Variants in AGRN observed in about 807,000 individuals in gnomAD.
AGRN encodes the protein agrin proteoglycan.
AGRN carries 106 observed loss-of-function variants against 211.0 expected under a neutral mutation model. That is an observed-to-expected ratio of 0.50 (90% CI 0.43 to 0.59). AGRN has a LOEUF of 0.59. AGRN is among the 20% of genes least tolerant of loss of function. The probability of loss-of-function intolerance (pLI) is 0.00; values close to 1 mark genes in which losing one functional copy is unlikely to be tolerated. For missense variants in AGRN, 3,040 were observed against 2,982.6 expected (o/e 1.02, Z -0.45); for synonymous variants, 1,525 against 1,332.5 (o/e 1.14, Z -3.15).
chr1:1,025,678 C>G (rs547284373), intron 2 of AGRN, among the ~76,000 whole-genome samples: 6 of 152,104 alleles, frequency 3.9e-5, no homozygotes, highest in African/African-American at 7.2e-5. Flanking sequence ...GGTCTGGGCT[C>G]GAGGCTGCTG....
chr1:1,034,556 A>G (rs1322128396), intron 2 of AGRN: 2 of 986,516 alleles, frequency 2.0e-6, no homozygotes, highest in Non-Finnish European at 2.4e-6. Context: ...GCCCCGGGCC[A>G]TGCCTCCGCT....
In AGRN at chr1:1,035,174, G is replaced by T; in HGVS notation, c.464-103G>T. On this transcript the variant is annotated intron_variant, in intron 2 of 35. Coordinates refer to ENST00000379370, the MANE Select transcript of AGRN (RefSeq NM_198576.4). The stretch of plus-strand genomic sequence containing the variant: ...TGGATCCCTGGGGCTAGCGGTGGGG[G>T]GGGGGGGGTGGGCAGGGGTGCCCCT... 6.4e-6 allele frequency: 8 copies of T among 1,249,216 alleles called. 1 individual carries two copies. The highest frequency in any genetic ancestry group is 4.9e-5 in the East Asian group (2 of 40,624). 77.4% of individuals were successfully genotyped at this position (1,249,216 alleles called of 1,614,324 possible).
Position 1,050,014 on chromosome 1 carries a change from G to C in AGRN, c.4856G>C (p.Arg1619Pro). 1 of 1,607,996 alleles carries C rather than the reference G, an allele frequency of 6.2e-7. No individual in the cohort carries two copies. The highest frequency in any genetic ancestry group is 2.2e-5 in the East Asian group (1 of 44,650). Reference sequence around the variant, plus strand: ...GCTCAGTGCGAGTGCCCCCTGGGGCGTGAGGGCACCTTCTGCCAGACAGGT... The same window carrying C: ...GCTCAGTGCGAGTGCCCCCTGGGGCCTGAGGGCACCTTCTGCCAGACAGGT... The part of the protein sequence containing the change: ...GGAQCECPLG[R>P]EGTFCQTASG... The change falls in exon 27 of 36, where the codon CGT becomes CCT. Residue 1619 changes from arginine (R) to proline (P), a missense_variant. Arg to Pro is a moderately radical substitution (Grantham distance 103). Coordinates refer to ENST00000379370, the MANE Select transcript of AGRN (RefSeq NM_198576.4).
chr1:1,049,662 G>A lies in AGRN; in HGVS notation c.4611G>A (p.Gly1537=). ...GCCTGGAGCTTGGCATTGGGCCGGG[G>A]GCTGCCACCCGAGGCTCTGGCGTGG... is the stretch of plus-strand genomic sequence containing the variant. ...NQRLELGIGP[G]AATRGSGVGE... Residue 1537 remains glycine (G), a synonymous_variant, in exon 26 of 36, where the codon GGG becomes GGA. Transcript: ENST00000379370. 6.3e-7 allele frequency: 1 copy of A among 1,580,382 alleles called. No individual in the cohort carries two copies. Among genetic ancestry groups the A allele is most frequent in the Non-Finnish European group, 8.6e-7 (1 of 1,164,234 alleles).
At chr1:1,047,712 C>T (rs1645140397) in intron 21 of AGRN, 25 bp downstream of exon 21, 1 of 1,612,752 alleles carries the variant, frequency 6.2e-7, no homozygotes, top group Admixed American at 1.7e-5. Flanking sequence ...CTGGACCCTT[C>T]CTGGGAGGCA....
In AGRN at chr1:1,049,897, A is replaced by G. The variant is rs1645226531; in HGVS notation, c.4745-6A>G. 2.5e-6 allele frequency: 4 copies of G among 1,609,828 alleles called. No homozygotes were observed. The highest frequency in any genetic ancestry group is 1.4e-5 in the African/African-American group (1 of 73,954). The stretch of plus-strand genomic sequence containing the variant: ...CTCGGTCCCGGTCCCGTCTTCCTCC[A>G]TCCAGGACCAACCTGTGCCGATGAG... On this transcript the variant is annotated splice_region_variant and splice_polypyrimidine_tract_variant and intron_variant, in intron 26 of 35. Coordinates refer to ENST00000379370, the MANE Select transcript of AGRN (RefSeq NM_198576.4).
In AGRN at chr1:1,031,998, T is replaced by TA. The variant is rs1570161935; in HGVS notation, c.464-3274dup. Reference sequence around the variant, plus strand: ...TGGGTCACACCCTGCGCTGGGGAGATAAAAAGTCAGACCCTGCCCGGGGCA... The same window carrying TA: ...TGGGTCACACCCTGCGCTGGGGAGATAAAAAAGTCAGACCCTGCCCGGGGCA... On this transcript the variant is annotated intron_variant, in intron 2 of 35. Coordinates refer to ENST00000379370, the MANE Select transcript of AGRN (RefSeq NM_198576.4). This position sits in a 1 kb window ranked among gnomAD's most constrained non-coding sequence, Gnocchi z 4.8. Among the ~76,000 whole-genome samples the TA allele has an allele frequency of 3.9e-5, 6 of 152,212 alleles. No individual in the cohort carries two copies. The East Asian group carries it at 1.2e-3, about 29-fold the overall frequency.
At chr1:1,053,102 A>C in intron 33 of AGRN, 1 of 246,104 alleles carries the variant, frequency 4.1e-6, no homozygotes, top group East Asian at 1.2e-4. Flanking sequence ...GGGGCATCCA[A>C]GCCCCTGGTC....
rs1373974688 is a variant in AGRN, at chr1:1,049,120, G to A, written c.4298+61G>A. Reference sequence around the variant, plus strand: ...GTGGGCGGGGAGGGGACGGGCGGGGGAGGGGGGGCCGGGGCAGCTCAGGTG... The same window carrying A: ...GTGGGCGGGGAGGGGACGGGCGGGGAAGGGGGGGCCGGGGCAGCTCAGGTG... On this transcript the variant is annotated intron_variant, in intron 24 of 35. Transcript: ENST00000379370. 1.3e-5 allele frequency: 12 copies of A among 915,400 alleles called. 1 individual carries two copies. The highest frequency in any genetic ancestry group is 6.8e-5 in the Admixed American group (2 of 29,258). 56.7% of individuals were successfully genotyped at this position (915,400 alleles called of 1,614,324 possible). A position where few individuals can be genotyped will look rare whatever the true frequency, so the allele number is the denominator to read the frequency against.
rs755861155 is a variant in AGRN, at chr1:1,052,061, TC to T, written c.5651+248del. The T allele has an allele frequency of 5.4e-5, 80 of 1,482,398 alleles. 1 individual carries two copies. In the South Asian group the frequency reaches 9.6e-4, roughly 18 times the overall value. The allele number at this position is 1,482,398 out of a possible 1,614,324, so 91.8% of individuals were successfully genotyped here. On this transcript the variant is annotated intron_variant, in intron 33 of 35. Coordinates refer to ENST00000379370, the MANE Select transcript of AGRN (RefSeq NM_198576.4). The stretch of plus-strand genomic sequence containing the variant: ...CCCCGCTCCCTCTCACTCCCACTCC[TC>T]CATCCTTCCTGGTGGGGAGCAGAGT...
rs183929080 is a variant in AGRN at position 1,047,000 on chromosome 1, G to T, written c.3388+43G>T. On this transcript the variant is annotated intron_variant, in intron 19 of 35. Coordinates refer to ENST00000379370, the MANE Select transcript of AGRN (RefSeq NM_198576.4). ...CGAGGGGAGTGTGAGGATAGCCTGG[G>T]CTCGGCCGAGGTGCTGCCCCCTCGC... 1.7e-3 allele frequency: 2,586 copies of T among 1,555,232 alleles called. 7 individuals are homozygous for T. Among genetic ancestry groups the T allele is most frequent in the Admixed American group, 2.3e-3 (119 of 51,628 alleles).
At position 1,032,352 on chromosome 1, in the gene AGRN, G is replaced by A. The variant is rs1016752517; in HGVS notation, c.464-2925G>A. Reference sequence around the variant, plus strand: ...AAAGGAGTCCCAAGAGAGGGAGCTGGCAAGACAGGACCTTCCCAGCTAAGG... The same window carrying A: ...AAAGGAGTCCCAAGAGAGGGAGCTGACAAGACAGGACCTTCCCAGCTAAGG... On this transcript the variant is annotated intron_variant, in intron 2 of 35. Transcript: ENST00000379370. This position sits in a 1 kb window ranked among gnomAD's most constrained non-coding sequence, Gnocchi z 4.7. Among the ~76,000 whole-genome samples the A allele has an allele frequency of 2.0e-5, 3 of 152,210 alleles. No homozygotes were observed. Among genetic ancestry groups the A allele is most frequent in the African/African-American group, 7.2e-5 (3 of 41,450 alleles).
chr1:1,045,341 C>A lies in AGRN; in HGVS notation c.2372-18C>A. 6.2e-7 allele frequency: 1 copy of A among 1,611,930 alleles called. No individual in the cohort carries two copies. The highest frequency in any genetic ancestry group is 1.6e-4 in the Middle Eastern group (1 of 6,062). ...CGGCTGTGCGGCCACGTGACCTTGT[C>A]CTGCCCTGGCCTTTCAGGTGCCTGC... On this transcript the variant is annotated intron_variant, in intron 13 of 35. Coordinates refer to ENST00000379370, the MANE Select transcript of AGRN (RefSeq NM_198576.4).
chr1:1,034,616 C>G, intron 2 of AGRN: 1 of 986,792 alleles, frequency 1.0e-6, no homozygotes, highest in Non-Finnish European at 1.2e-6. Context: ...CCTGCTGGTG[C>G]GAGGCTTCAT....
At position 1,055,571 on chromosome 1, in the gene AGRN, A is replaced by C; in HGVS notation, c.*590A>C. 5 of 174,738 alleles carry C rather than the reference A, an allele frequency of 2.9e-5. No individual in the cohort carries two copies. Among genetic ancestry groups the C allele is most frequent in the South Asian group, 1.4e-4 (1 of 7,162 alleles). 10.8% of individuals were successfully genotyped at this position (174,738 alleles called of 1,614,324 possible). A position where few individuals can be genotyped will look rare whatever the true frequency, so the allele number is the denominator to read the frequency against. On this transcript the variant is annotated 3_prime_UTR_variant, in exon 36 of 36. Coordinates refer to ENST00000379370, the MANE Select transcript of AGRN (RefSeq NM_198576.4). Reference sequence around the variant, plus strand: ...GACCAGGGCCGATCTGGGTGTCCTGACCCTCAGCTGGCCCTGCCCAGCCAC... The same window carrying C: ...GACCAGGGCCGATCTGGGTGTCCTGCCCCTCAGCTGGCCCTGCCCAGCCAC...
In AGRN at chr1:1,020,470, GC is replaced by G. The variant is rs1000395676; in HGVS notation, c.201+102del. ...GGGAACCAGCCCCGGTCGCTCCGCA[GC>G]CCCCGCTCCGGCTCCCTTGGCGACC... On this transcript the variant is annotated intron_variant, in intron 1 of 35. Coordinates refer to ENST00000379370, the MANE Select transcript of AGRN (RefSeq NM_198576.4). 60 of 1,230,918 alleles carry G rather than the reference GC, an allele frequency of 4.9e-5. 1 individual carries two copies. In the African/African-American group the frequency reaches 8.4e-4, roughly 17 times the overall value. 76.2% of individuals were successfully genotyped at this position (1,230,918 alleles called of 1,614,324 possible).
chr1:1,028,429 G>A (rs1395605847), intron 2 of AGRN, among the ~76,000 whole-genome samples: 2 of 151,974 alleles, frequency 1.3e-5, no homozygotes, highest in African/African-American at 4.8e-5. Flanking sequence ...GCGTTTGGGT[G>A]GACCGGAAGT....
rs1426357476 is a variant in AGRN, at chr1:1,020,928, A to T, written c.201+555A>T. Among the ~76,000 whole-genome samples, 6 of 145,600 alleles carry T rather than the reference A, an allele frequency of 4.1e-5. No individual in the cohort carries two copies. The East Asian group carries it at 1.3e-3, about 31-fold the overall frequency. On this transcript the variant is annotated intron_variant, in intron 1 of 35. Transcript: ENST00000379370. ...TGCTTGGGGGCAGGGCCGGTGCCCC[A>T]TCGCGCTCCTGCGGGAACCGGGGCT...
In AGRN at chr1:1,045,833, G is replaced by A. The variant is rs1267005027; in HGVS notation, c.2637G>A (p.Gln879=). 4 of 1,612,410 alleles carry A rather than the reference G, an allele frequency of 2.5e-6. No individual in the cohort carries two copies. The highest frequency in any genetic ancestry group is 2.5e-6 in the Non-Finnish European group (3 of 1,179,888). ...KPGVAGPKCG[Q]CPDGRALGPA... ...GGGTGGCTGGACCCAAGTGTGGGCA[G>A]TGTCCAGACGGCCGTGCCCTGGGCC... The change falls in exon 15 of 36, where the codon CAG becomes CAA. Residue 879 remains glutamine (Q), a synonymous_variant. Transcript: ENST00000379370.
Sources: allele counts gnomAD v4.1 joint callset (sites outside exome capture counted in the v4.1 genomes callset), GRCh38; gene constraint gnomAD v4.1.1; non-coding constraint Gnocchi (gnomAD v3.1); transcripts MANE v1.5; gene names NCBI Gene and HGNC (gene_info 2026-07-23, HGNC 2026-07-21).